Variants in FOXJ3 observed in about 807,000 individuals in gnomAD.
FOXJ3 encodes the protein forkhead box protein J3.
FOXJ3 carries 22 observed loss-of-function variants against 76.1 expected under a neutral mutation model. The observed-to-expected ratio is 0.29, with a 90% CI of 0.21 to 0.41. The LOEUF is 0.41. Ranked by LOEUF, FOXJ3 falls within the 10% of genes least tolerant of loss-of-function variation. FOXJ3 has a pLI of 1.00. For synonymous variants in FOXJ3, 269 were observed against 261.2 expected (o/e 1.03, Z -0.29); for missense variants, 613 against 762.1 (o/e 0.80, Z 2.30).
intron 1 of FOXJ3, among the ~76,000 whole-genome samples, chr1:42,329,889 C>T (rs1050562027): frequency 1.3e-5 from 2 of 152,142 alleles, no homozygotes; most frequent in Admixed American, 6.5e-5. Context: ...TCTATTAATT[C>T]GTAACACAGT....
chr1:42,308,171 C>T (rs1557714742), intron 2 of FOXJ3, among the ~76,000 whole-genome samples: 2 of 152,296 alleles, frequency 1.3e-5, no homozygotes, highest in South Asian at 4.1e-4. Context: ...TCTCCACCAA[C>T]TCATTTGCTT....
At chr1:42,242,739 C>T (rs566565578) in intron 4 of FOXJ3, among the ~76,000 whole-genome samples, 2 of 152,100 alleles carry the variant, frequency 1.3e-5, no homozygotes, top group South Asian at 2.1e-4. Flanking sequence ...TCTGGGTGTT[C>T]CAGAAACTGA....
chr1:42,216,216 C>T (rs1446496363), intron 5 of FOXJ3, among the ~76,000 whole-genome samples: 3 of 152,004 alleles, frequency 2.0e-5, no homozygotes, highest in Non-Finnish European at 4.4e-5. Flanking sequence ...TAGACACTGG[C>T]TAAATATAAA....
intron 2 of FOXJ3, among the ~76,000 whole-genome samples, chr1:42,300,390 A>G (rs573615473): frequency 3.9e-5 from 6 of 152,292 alleles, no homozygotes; most frequent in African/African-American, 1.4e-4. Context: ...CGATCAGTAT[A>G]GTGATGATGA....
intron 4 of FOXJ3, among the ~76,000 whole-genome samples, chr1:42,262,476 C>G (rs1007139505): frequency 2.6e-5 from 4 of 152,266 alleles, no homozygotes; most frequent in African/African-American, 7.2e-5. Context: ...ATAAAAATGA[C>G]TTTATTCACA....
chr1:42,218,048 T>C lies in FOXJ3; in HGVS notation c.528+9835A>G, dbSNP rs911686135. On this transcript the variant is annotated intron_variant, in intron 5 of 12. Coordinates refer to ENST00000361346, the MANE Select transcript of FOXJ3 (RefSeq NM_014947.5). ...TGCAGTGCTCCCACATAATGTACAC[T>C]CAGTAGTTTTCCCAATTGAAATAAA... Among the ~76,000 whole-genome samples, 6 of 152,248 alleles carry C rather than the reference T, an allele frequency of 3.9e-5. No individual in the cohort carries two copies. In the East Asian group the frequency reaches 1.2e-3, roughly 29 times the overall value.
intron 1 of FOXJ3, among the ~76,000 whole-genome samples, chr1:42,329,528 T>C (rs1428879059): frequency 2.0e-5 from 3 of 152,110 alleles, no homozygotes; most frequent in Non-Finnish European, 4.4e-5. Flanking sequence ...CTGTTCAAAA[T>C]GGAAAACAAA....
chr1:42,216,285 G>A (rs1415504535), intron 5 of FOXJ3, among the ~76,000 whole-genome samples: 7 of 151,926 alleles, frequency 4.6e-5, no homozygotes, highest in African/African-American at 4.8e-5. Context: ...TTGGGAGGCC[G>A]AGGCGGGCGG....
intron 12 of FOXJ3, 84 bp downstream of exon 12, chr1:42,181,833 T>C: frequency 1.2e-6 from 1 of 847,056 alleles, no homozygotes; most frequent in South Asian, 1.7e-5. Context: ...ACACACTCTC[T>C]CTCTCACCTG....
intron 1 of FOXJ3, among the ~76,000 whole-genome samples, chr1:42,324,148 A>ATATACACAGTGTATATATACTG (rs1557726210): frequency 7.1e-5 from 1 of 14,110 alleles, no homozygotes; most frequent in Non-Finnish European, 2.0e-4. Flanking sequence ...TATATATACT[A>ATATACACAGTGTATATATACTG]TATATACACT....
intron 11 of FOXJ3, among the ~76,000 whole-genome samples, chr1:42,185,321 G>A (rs568012244): frequency 1.1e-3 from 168 of 146,172 alleles, no homozygotes; most frequent in Non-Finnish European, 2.1e-3. Flanking sequence ...GTGGTGGCGC[G>A]ATCTTGGCTC....
rs138783708 is a variant in FOXJ3, at chr1:42,191,649, G to A, written c.1005C>T (p.Ser335=). Residue 335 remains serine (S), a synonymous_variant, in exon 9 of 13, where the codon AGC becomes AGT. Transcript: ENST00000361346. The stretch of plus-strand genomic sequence containing the variant: ...TGTGTGGGTGAGTGCTCACTGTACT[G>A]CTGGGAGAGTGCTGATAGGTACATG... The part of the protein sequence containing the change: ...HTSCTYQHSP[S]STVSTHPHSN... 4.0e-5 allele frequency: 65 copies of A among 1,614,158 alleles called. No individual in the cohort carries two copies. The African/African-American group carries it at 8.1e-4, about 20-fold the overall frequency.
At chr1:42,250,440 AG>A (rs1421627761) in intron 4 of FOXJ3, among the ~76,000 whole-genome samples, 1 of 152,200 alleles carries the variant, frequency 6.6e-6, no homozygotes, top group African/African-American at 2.4e-5. Context: ...ATAACTGGTC[AG>A]GGACATCACA....
chr1:42,217,923 C>A (rs1020522888), intron 5 of FOXJ3, among the ~76,000 whole-genome samples: 1 of 152,206 alleles, frequency 6.6e-6, no homozygotes, highest in South Asian at 2.1e-4. Flanking sequence ...ACAATGATCT[C>A]TTATGAAACT....
intron 4 of FOXJ3, among the ~76,000 whole-genome samples, chr1:42,231,346 C>T (rs1332859412): frequency 6.6e-6 from 1 of 151,180 alleles, no homozygotes; most frequent in African/African-American, 2.4e-5. Context: ...ACCAAACAAA[C>T]AAAAAAAACG....
At chr1:42,297,640 T>C (rs1377338840) in intron 2 of FOXJ3, among the ~76,000 whole-genome samples, 2 of 152,224 alleles carry the variant, frequency 1.3e-5, no homozygotes, top group African/African-American at 4.8e-5. Flanking sequence ...ATTATCTTTT[T>C]GATGTGCTGT....
chr1:42,328,856 G>A (rs187864489), intron 1 of FOXJ3, among the ~76,000 whole-genome samples: 49 of 151,956 alleles, frequency 3.2e-4, no homozygotes, highest in Admixed American at 7.9e-4. Flanking sequence ...TAGTAGAGAC[G>A]AGATTTCACT....
intron 12 of FOXJ3, among the ~76,000 whole-genome samples, 163 bp downstream of exon 12, chr1:42,181,754 T>G (rs1646323538): frequency 1.3e-5 from 2 of 152,034 alleles, no homozygotes; most frequent in Admixed American, 6.5e-5. Context: ...AATATTAAAC[T>G]CTGGGTAACA....
intron 6 of FOXJ3, among the ~76,000 whole-genome samples, chr1:42,205,157 G>A (rs778493399): frequency 1.3e-5 from 2 of 152,042 alleles, no homozygotes; most frequent in Non-Finnish European, 2.9e-5. Flanking sequence ...TCTTTTTAGG[G>A]TTTTGAGATG....
Sources: gnomAD v4.1 joint callset for allele counts (sites outside exome capture counted in the v4.1 genomes callset) on GRCh38, gnomAD v4.1.1 for gene constraint, MANE v1.5 for transcripts, NCBI Gene and HGNC (gene_info 2026-07-23, HGNC 2026-07-21) for gene names.